Variants in HS6ST3 observed in about 807,000 individuals in gnomAD.
The protein encoded by HS6ST3 is heparan sulfate 6-O-sulfotransferase 3.
In HS6ST3, 12 loss-of-function variants were observed where a neutral mutation model predicts 36.7. The observed-to-expected ratio is 0.33, with a 90% CI of 0.21 to 0.53. The LOEUF (loss-of-function observed/expected upper bound fraction) is 0.53, where lower values mean the gene tolerates loss of function less well. Among genes scored for constraint, HS6ST3 ranks in the 20% least tolerant of loss-of-function variants. The pLI is 0.95. For synonymous variants in HS6ST3, 240 were observed against 257.5 expected (o/e 0.93, Z 0.65); for missense variants, 584 against 640.9 (o/e 0.91, Z 0.96).
At chr13:96,359,702 A>G (rs987084350) in intron 1 of HS6ST3, among the ~76,000 whole-genome samples, 3 of 152,200 alleles carry the variant, frequency 2.0e-5, no homozygotes, top group African/African-American at 7.2e-5. Context: ...GAAGGGAATC[A>G]GCATCATGCT....
intron 1 of HS6ST3, among the ~76,000 whole-genome samples, chr13:96,137,546 G>C (rs1309297256): frequency 6.6e-6 from 1 of 150,982 alleles, no homozygotes; most frequent in Non-Finnish European, 1.5e-5. Flanking sequence ...CACTTATCCT[G>C]CCTCAGCTTC....
intron 1 of HS6ST3, among the ~76,000 whole-genome samples, chr13:96,660,316 A>G (rs1316183913): frequency 2.6e-5 from 4 of 152,170 alleles, no homozygotes; most frequent in African/African-American, 7.2e-5. Context: ...GCACAGGAGC[A>G]TTTTGAAAAT....
chr13:96,594,068 G>C (rs563594065), intron 1 of HS6ST3, among the ~76,000 whole-genome samples: 2 of 152,066 alleles, frequency 1.3e-5, no homozygotes, highest in African/African-American at 4.8e-5. Context: ...CGCCTCCTGG[G>C]TTCAAGCAAT....
intron 1 of HS6ST3, 145 bp downstream of exon 1, chr13:96,091,714 G>C (rs1468840044): frequency 2.7e-6 from 3 of 1,115,150 alleles, no homozygotes; most frequent in East Asian, 2.6e-5. Context: ...TTTGGGGAGG[G>C]ATGAGAAACC....
intron 1 of HS6ST3, among the ~76,000 whole-genome samples, chr13:96,357,142 G>T (rs530755378): frequency 6.6e-6 from 1 of 152,170 alleles, no homozygotes; most frequent in Non-Finnish European, 1.5e-5. Context: ...TTGTCTTAAG[G>T]GAATGTTGTG....
At chr13:96,668,261 G>A (rs2056670860) in intron 1 of HS6ST3, among the ~76,000 whole-genome samples, 1 of 152,012 alleles carries the variant, frequency 6.6e-6, no homozygotes, top group South Asian at 2.1e-4. Flanking sequence ...TGGAGCTACT[G>A]TCTTACAGGC....
rs72639777 is a variant in HS6ST3, at chr13:96,456,355, T to C, written c.707+364786T>C. On this transcript the variant is annotated intron_variant, in intron 1 of 1. Transcript: ENST00000376705. ...AATCAGAACATGCATTTTCTATTTA[T>C]AATCAATTTTCAGATGAGACACAGT... Among the ~76,000 whole-genome samples, 967 of 152,292 alleles carry C rather than the reference T, an allele frequency of 6.3e-3. 20 individuals are homozygous for C. The highest frequency in any genetic ancestry group is 0.024 in the Middle Eastern group (7 of 294).
intron 1 of HS6ST3, among the ~76,000 whole-genome samples, chr13:96,395,507 T>C (rs939855547): frequency 1.3e-5 from 2 of 152,152 alleles, no homozygotes; most frequent in Non-Finnish European, 2.9e-5. Context: ...TCCGTTTTTT[T>C]CCTCCCAGTA....
intron 1 of HS6ST3, among the ~76,000 whole-genome samples, chr13:96,681,212 G>A (rs778405341): frequency 2.0e-5 from 3 of 152,078 alleles, no homozygotes; most frequent in Non-Finnish European, 4.4e-5. Context: ...TATGCTTTAC[G>A]TTGATCATGA....
chr13:96,757,388 A>G (rs757957513), intron 1 of HS6ST3, among the ~76,000 whole-genome samples: 1 of 152,218 alleles, frequency 6.6e-6, no homozygotes, highest in Non-Finnish European at 1.5e-5. Context: ...TATTATTTCT[A>G]GTAGAGGTCT....
chr13:96,158,652 C>CA (rs397954592), intron 1 of HS6ST3, among the ~76,000 whole-genome samples: 31,150 of 68,820 alleles, frequency 0.45, 9,210 homozygotes, highest in South Asian at 0.56. Flanking sequence ...GACTCCGTCT[C>CA]AAAAAAAAAA....
At chr13:96,155,945 C>T (rs2054108574) in intron 1 of HS6ST3, among the ~76,000 whole-genome samples, 1 of 152,182 alleles carries the variant, frequency 6.6e-6, no homozygotes, top group African/African-American at 2.4e-5. Context: ...TCGAAAGGCT[C>T]AGGCACGTGA....
chr13:96,775,528 AG>A (rs869025800), intron 1 of HS6ST3, among the ~76,000 whole-genome samples: 1 of 151,694 alleles, frequency 6.6e-6, no homozygotes, highest in Non-Finnish European at 1.5e-5. Context: ...AAAAAAAAAA[AG>A]CAGGGGTTGC....
intron 1 of HS6ST3, among the ~76,000 whole-genome samples, chr13:96,691,567 T>C (rs563357832): frequency 2.6e-5 from 4 of 152,126 alleles, no homozygotes; most frequent in Non-Finnish European, 5.9e-5. Flanking sequence ...TTCTTTATTT[T>C]ATCTTATTTT....
At chr13:96,182,614 C>T (rs1327528373) in intron 1 of HS6ST3, among the ~76,000 whole-genome samples, 1 of 152,114 alleles carries the variant, frequency 6.6e-6, no homozygotes, top group Non-Finnish European at 1.5e-5. Context: ...GTTACTTTGC[C>T]TTTTCTTCTT....
At chr13:96,447,062 C>G (rs970676413) in intron 1 of HS6ST3, among the ~76,000 whole-genome samples, 4 of 152,136 alleles carry the variant, frequency 2.6e-5, no homozygotes, top group Non-Finnish European at 5.9e-5. Flanking sequence ...ACGTATCACC[C>G]TGCATGCCGT....
At chr13:96,569,771 A>T (rs1037140424) in intron 1 of HS6ST3, among the ~76,000 whole-genome samples, 3 of 152,220 alleles carry the variant, frequency 2.0e-5, no homozygotes, top group Admixed American at 6.5e-5. Flanking sequence ...TAAATAGGGA[A>T]TGTGGGGTGC....
At chr13:96,592,962 G>C (rs1465057806) in intron 1 of HS6ST3, among the ~76,000 whole-genome samples, 1 of 151,680 alleles carries the variant, frequency 6.6e-6, no homozygotes, top group African/African-American at 2.4e-5. Context: ...CTTGTACTTG[G>C]ATATTGATAT....
chr13:96,488,754 A>C (rs1413890360), intron 1 of HS6ST3, among the ~76,000 whole-genome samples: 2 of 152,058 alleles, frequency 1.3e-5, no homozygotes, highest in African/African-American at 4.8e-5. Flanking sequence ...TGGAAGATGC[A>C]TGTAATTAAA....
Sources: gnomAD v4.1 joint callset for allele counts (sites outside exome capture counted in the v4.1 genomes callset) on GRCh38, gnomAD v4.1.1 for gene constraint, MANE v1.5 for transcripts, NCBI Gene and HGNC (gene_info 2026-07-23, HGNC 2026-07-21) for gene names.